The following ADAM12 variants were observed in gnomAD, a reference collection of about 807,000 sequenced individuals.
ADAM12 encodes ADAM metallopeptidase domain 12.
ADAM12 carries 70 observed loss-of-function variants against 106.4 expected under a neutral mutation model. The ratio of observed to expected loss-of-function variants is 0.66; its 90% confidence interval spans 0.54 to 0.80. The LOEUF (loss-of-function observed/expected upper bound fraction) is 0.80, where lower values mean the gene tolerates loss of function less well. ADAM12 is among the 30% of genes least tolerant of loss of function. The pLI, the probability that ADAM12 is intolerant of heterozygous loss-of-function variation, is 0.00. For missense variants in ADAM12, 1,010 were observed against 1,171.9 expected (o/e 0.86, Z 2.02); for synonymous variants, 420 against 433.5 (o/e 0.97, Z 0.39).
At chr10:126,369,381 T>C (rs1856030984) in intron 1 of ADAM12, among the ~76,000 whole-genome samples, 2 of 152,092 alleles carry the variant, frequency 1.3e-5, no homozygotes, top group African/African-American at 4.8e-5. Flanking sequence ...AGACAAACCG[T>C]TGATTAGAAT....
intron 4 of ADAM12, among the ~76,000 whole-genome samples, chr10:126,154,277 C>T (rs1441647937): frequency 1.3e-5 from 2 of 152,190 alleles, no homozygotes; most frequent in Non-Finnish European, 2.9e-5. Context: ...TTGAGCTTGA[C>T]CAGGCATTAG....
At chr10:126,208,940 G>A (rs1486717631) in intron 3 of ADAM12, among the ~76,000 whole-genome samples, 1 of 150,634 alleles carries the variant, frequency 6.6e-6, no homozygotes, top group Non-Finnish European at 1.5e-5. Flanking sequence ...CCTCAGTTAC[G>A]TGCCAACTTC....
chr10:126,210,219 C>A (rs184191554), intron 3 of ADAM12, among the ~76,000 whole-genome samples: 1 of 152,198 alleles, frequency 6.6e-6, no homozygotes, highest in African/African-American at 2.4e-5. Context: ...AGAAATAGCA[C>A]GTGACAAAGC....
chr10:126,268,224 G>C (rs562753366), intron 3 of ADAM12, among the ~76,000 whole-genome samples: 1 of 152,140 alleles, frequency 6.6e-6, no homozygotes. Flanking sequence ...AAATAGAATC[G>C]CATAATATTT....
intron 11 of ADAM12, among the ~76,000 whole-genome samples, chr10:126,079,559 A>T (rs562866717): frequency 3.9e-5 from 6 of 152,234 alleles, no homozygotes; most frequent in African/African-American, 1.4e-4. Flanking sequence ...ACCATACCAC[A>T]ATTTGCTATC....
intron 3 of ADAM12, among the ~76,000 whole-genome samples, chr10:126,244,418 C>G (rs1163985639): frequency 6.6e-6 from 1 of 151,924 alleles, no homozygotes. Context: ...TCTGGAGCAG[C>G]AGAGAAGGGA....
intron 3 of ADAM12, among the ~76,000 whole-genome samples, chr10:126,225,035 T>C (rs573433288): frequency 4.5e-4 from 68 of 152,296 alleles, no homozygotes; most frequent in Non-Finnish European, 4.6e-4. Context: ...AAGCAACTCT[T>C]TAGAAAGGGG....
chr10:126,202,630 G>A (rs201629249), intron 3 of ADAM12, among the ~76,000 whole-genome samples: 28 of 152,136 alleles, frequency 1.8e-4, no homozygotes, highest in Admixed American at 1.2e-3. Flanking sequence ...AGATGACAAC[G>A]AAAGTAAAAT....
At chr10:126,318,497 G>A (rs947156548) in intron 2 of ADAM12, among the ~76,000 whole-genome samples, 5 of 144,750 alleles carry the variant, frequency 3.5e-5, no homozygotes, top group Non-Finnish European at 7.6e-5. Flanking sequence ...CATTCTCAGA[G>A]CCACACTCTC....
intron 3 of ADAM12, among the ~76,000 whole-genome samples, chr10:126,190,246 G>A (rs1015389354): frequency 8.4e-4 from 127 of 150,316 alleles, no homozygotes; most frequent in African/African-American, 3.0e-3. Context: ...CTGTTACCCA[G>A]CCTGGAGTGC....
intron 4 of ADAM12, among the ~76,000 whole-genome samples, chr10:126,153,024 T>G (rs1484452330): frequency 2.6e-5 from 4 of 152,232 alleles, no homozygotes; most frequent in Non-Finnish European, 5.9e-5. Flanking sequence ...TGTTTACTAG[T>G]GCCTCTGACT....
chr10:126,120,689 G>C (rs1048165275), intron 5 of ADAM12, among the ~76,000 whole-genome samples: 5 of 151,640 alleles, frequency 3.3e-5, no homozygotes, highest in African/African-American at 1.2e-4. Context: ...TGGGTGCCAG[G>C]GGCCAGAGAG....
chr10:126,155,111 G>C lies in ADAM12; in HGVS notation c.339+116C>G, dbSNP rs117234790. The stretch of plus-strand genomic sequence containing the variant: ...CTAAGGGACACACCAGCGCTTCTTG[G>C]GGGGGCCTAAGTTAAGAATCTGGGC... On this transcript the variant is annotated intron_variant, in intron 4 of 22. Coordinates refer to ENST00000448723, the MANE Select transcript of ADAM12 (RefSeq NM_001288973.2). The C allele has an allele frequency of 4.9e-3, 5,512 of 1,135,774 alleles. 32 individuals carry two copies. The highest frequency in any genetic ancestry group is 6.0e-3 in the Non-Finnish European group (4,606 of 773,142). The allele number at this position is 1,135,774 out of a possible 1,614,324, so 70.4% of individuals were successfully genotyped here. A position where few individuals can be genotyped will look rare whatever the true frequency, so the allele number is the denominator to read the frequency against.
In ADAM12 at chr10:126,043,263, T is replaced by G. The variant is rs113698170; in HGVS notation, c.1996-115A>C. 4.1e-4 allele frequency: 398 copies of G among 961,146 alleles called. 3 individuals carry two copies. In the African/African-American group the frequency reaches 5.4e-3, roughly 13 times the overall value. 59.5% of individuals were successfully genotyped at this position (961,146 alleles called of 1,614,324 possible). On this transcript the variant is annotated intron_variant, in intron 17 of 22. Coordinates refer to ENST00000448723, the MANE Select transcript of ADAM12 (RefSeq NM_001288973.2). This position sits in a 1 kb window ranked among gnomAD's most constrained non-coding sequence, Gnocchi z 4.1. ...CCCCCCAACACTGACACAGCCAGAC[T>G]CAGCACACGCCATGGTGCGAATAAG...
intron 3 of ADAM12, among the ~76,000 whole-genome samples, chr10:126,246,214 C>G (rs1280909533): frequency 6.6e-6 from 1 of 152,112 alleles, no homozygotes; most frequent in Non-Finnish European, 1.5e-5. Context: ...CCCTCTTTCT[C>G]AGAAACTGGG....
chr10:126,228,235 C>T (rs1729930065), intron 3 of ADAM12, among the ~76,000 whole-genome samples: 1 of 152,148 alleles, frequency 6.6e-6, no homozygotes, highest in South Asian at 2.1e-4. Flanking sequence ...CCCAATATGC[C>T]AACAAACGAT....
chr10:126,218,186 G>C (rs1958023961), intron 3 of ADAM12, among the ~76,000 whole-genome samples: 1 of 151,924 alleles, frequency 6.6e-6, no homozygotes, highest in Non-Finnish European at 1.5e-5. Flanking sequence ...GTGTGTGGGG[G>C]GGCAGGGGGT....
intron 5 of ADAM12, among the ~76,000 whole-genome samples, chr10:126,118,679 G>A (rs1250006367): frequency 1.3e-5 from 2 of 152,300 alleles, no homozygotes; most frequent in East Asian, 3.9e-4. Flanking sequence ...TTGTGTAATG[G>A]TGAAGTCTAG....
intron 1 of ADAM12, among the ~76,000 whole-genome samples, chr10:126,342,322 T>A (rs1854959833): frequency 6.6e-6 from 1 of 152,204 alleles, no homozygotes; most frequent in African/African-American, 2.4e-5. Flanking sequence ...GCCATTGAAT[T>A]TGGAGGACCC....
Sources: gnomAD v4.1 joint callset for allele counts (sites outside exome capture counted in the v4.1 genomes callset) on GRCh38, gnomAD v4.1.1 for gene constraint, Gnocchi (gnomAD v3.1) non-coding constraint, MANE v1.5 for transcripts, NCBI Gene and HGNC (gene_info 2026-07-23, HGNC 2026-07-21) for gene names.